SGPL1: variants seen among roughly 807,000 people sequenced by gnomAD.
SGPL1 encodes the protein sphingosine-1-phosphate lyase 1.
A neutral mutation model predicts 68.9 loss-of-function variants in SGPL1; 37 were observed. The observed-to-expected ratio is 0.54, with a 90% confidence interval of 0.41 to 0.71. The LOEUF (loss-of-function observed/expected upper bound fraction) is 0.71, where lower values mean the gene tolerates loss of function less well. Ranked by LOEUF, SGPL1 falls within the 30% of genes least tolerant of loss-of-function variation. The pLI is 0.00. For missense variants in SGPL1, 551 were observed against 704.6 expected, an observed-to-expected ratio of 0.78 and a Z score of 2.47; for synonymous variants, 236 against 248.5, an observed-to-expected ratio of 0.95 and a Z score of 0.47.
intron 2 of SGPL1, among the ~76,000 whole-genome samples, chr10:70,835,348 TTAACTCA>T (rs147394258): frequency 0.025 from 3,876 of 152,274 alleles, 61 homozygotes; most frequent in South Asian, 0.047. Flanking sequence ...CTAGGACAAA[TTAACTCA>T]TAATGCAATA....
chr10:70,819,750 C>T (rs1296216126), intron 2 of SGPL1, among the ~76,000 whole-genome samples: 2 of 151,802 alleles, frequency 1.3e-5, no homozygotes, highest in African/African-American at 4.8e-5. Context: ...TCCACCTCAG[C>T]CTCCTGAGTA....
intron 2 of SGPL1, among the ~76,000 whole-genome samples, chr10:70,820,886 A>G (rs970233285): frequency 2.4e-4 from 37 of 152,348 alleles, no homozygotes; most frequent in African/African-American, 8.4e-4. Context: ...ATGCCATGTC[A>G]GAGTAGCAAA....
chr10:70,859,311 A>G (rs1846011333), intron 6 of SGPL1, 60 bp from the exon 7 acceptor site: 3 of 1,249,260 alleles, frequency 2.4e-6, no homozygotes, highest in East Asian at 6.2e-5. Context: ...TTAGTGCATG[A>G]TTCTTTGTCC....
chr10:70,830,869 A>G (rs530260062), intron 2 of SGPL1, among the ~76,000 whole-genome samples: 3 of 152,202 alleles, frequency 2.0e-5, no homozygotes, highest in Non-Finnish European at 4.4e-5. Flanking sequence ...TAAAATGAAC[A>G]TATGTTGAAG....
At chr10:70,825,050 C>T (rs960604051) in intron 2 of SGPL1, among the ~76,000 whole-genome samples, 15 of 151,490 alleles carry the variant, frequency 9.9e-5, no homozygotes, top group South Asian at 2.1e-4. Context: ...CTGCAACCTC[C>T]GCCTCCTGGG....
rs764431661 is a variant in SGPL1 at position 70,851,101 on chromosome 10, A to G, written c.194-42A>G. 20 of 1,523,928 alleles carry G rather than the reference A, an allele frequency of 1.3e-5. No individual in the cohort carries two copies. The Middle Eastern group carries it at 5.1e-4, about 38-fold the overall frequency. 94.4% of individuals were successfully genotyped at this position (1,523,928 alleles called of 1,614,324 possible). Reference sequence around the variant, plus strand: ...GGTTGCTATATGCCAGGTCATATCCATGGAAATTTATTTGAATAAGAGAAC... The same window carrying G: ...GGTTGCTATATGCCAGGTCATATCCGTGGAAATTTATTTGAATAAGAGAAC... On this transcript the variant is annotated intron_variant, in intron 3 of 14. Transcript: ENST00000373202.
intron 3 of SGPL1, among the ~76,000 whole-genome samples, chr10:70,845,810 G>T (rs946735654): frequency 1.3e-5 from 2 of 152,054 alleles, no homozygotes; most frequent in Admixed American, 6.6e-5. Flanking sequence ...ACTTCCTTGG[G>T]ATAAGAAAAC....
chr10:70,852,964 C>T (rs748705520), intron 4 of SGPL1, among the ~76,000 whole-genome samples: 2 of 152,126 alleles, frequency 1.3e-5, no homozygotes, highest in African/African-American at 2.4e-5. Flanking sequence ...AATTGGGTAA[C>T]GTAATACAGG....
chr10:70,832,596 C>G (rs1054014747), intron 2 of SGPL1, among the ~76,000 whole-genome samples: 3 of 152,148 alleles, frequency 2.0e-5, no homozygotes, highest in African/African-American at 7.2e-5. Context: ...TCCACTAGAT[C>G]TTGCTTATTA....
chr10:70,870,868 T>G (rs1846281496), intron 9 of SGPL1, among the ~76,000 whole-genome samples, 180 bp from the exon 10 acceptor site: 1 of 152,200 alleles, frequency 6.6e-6, no homozygotes, highest in Non-Finnish European at 1.5e-5. Context: ...TGGACTTACC[T>G]GGAGTCACCT....
At position 70,873,512 on chromosome 10, in the gene SGPL1, C is replaced by T; in HGVS notation, c.1221C>T (p.Ala407=). 6.2e-7 allele frequency: 1 copy of T among 1,614,234 alleles called. No homozygotes were observed. Among genetic ancestry groups the T allele is most frequent in the Non-Finnish European group, 8.5e-7 (1 of 1,180,032 alleles). Residue 407 remains alanine, a synonymous_variant, in exon 12 of 15, where the codon GCC becomes GCT. Transcript: ENST00000373202. ...GCATTAGCGCAGCCTGTTGGGCTGC[C>T]TTGATGCACTTCGGTGAGAACGGCT... ...PGGISAACWA[A]LMHFGENGYV... is the part of the protein sequence containing the mutation.
chr10:70,818,368 C>A (rs577170411), intron 2 of SGPL1, among the ~76,000 whole-genome samples: 12 of 152,326 alleles, frequency 7.9e-5, no homozygotes, highest in Admixed American at 7.8e-4. Context: ...GATCCACCTG[C>A]CTTGGTCTCC....
At chr10:70,868,568 T>C (rs1449139121) in intron 8 of SGPL1, 135 bp downstream of exon 8, 2 of 699,836 alleles carry the variant, frequency 2.9e-6, no homozygotes, top group African/African-American at 1.8e-5. Flanking sequence ...CCCCCTGTCC[T>C]AGCCCCTCTG....
intron 2 of SGPL1, among the ~76,000 whole-genome samples, chr10:70,822,917 A>T (rs1049074467): frequency 6.6e-6 from 1 of 151,928 alleles, no homozygotes; most frequent in African/African-American, 2.4e-5. Flanking sequence ...TATTCACTAA[A>T]GATAATCTTC....
At chr10:70,832,618 A>T (rs557744492) in intron 2 of SGPL1, among the ~76,000 whole-genome samples, 8 of 152,234 alleles carry the variant, frequency 5.3e-5, no homozygotes, top group Admixed American at 2.0e-4. Flanking sequence ...CCAAGAAATT[A>T]TCATTTCTAG....
chr10:70,877,058 G>A (rs1437708048), intron 14 of SGPL1, 137 bp from the exon 15 acceptor site: 2 of 750,770 alleles, frequency 2.7e-6, no homozygotes, highest in African/African-American at 3.5e-5. Context: ...TAGAATGATG[G>A]GATGCCTTAG....
At position 70,877,319 on chromosome 10, in the gene SGPL1, C is replaced by T. The variant is rs1846410567; in HGVS notation, c.1691C>T (p.Ser564Phe). ...TVTQGSQMNG[S>F]PKPH is the part of the protein sequence containing the mutation. ...ACCCAGGGCAGCCAGATGAATGGTT[C>T]TCCAAAACCCCACTGAACTTGGACC... Residue 564 changes from serine (S) to phenylalanine (F), a missense_variant, in exon 15 of 15, where the codon TCT (serine) becomes TTT (phenylalanine). Physicochemically the swap from Ser to Phe is radical, Grantham distance 155. Coordinates refer to ENST00000373202, the MANE Select transcript of SGPL1 (RefSeq NM_003901.4). 4.3e-6 allele frequency: 7 copies of T among 1,614,202 alleles called. No homozygotes were observed. Among genetic ancestry groups the T allele is most frequent in the Non-Finnish European group, 5.9e-6 (7 of 1,180,030 alleles).
chr10:70,818,900 C>T (rs865825252), intron 2 of SGPL1, among the ~76,000 whole-genome samples: 1 of 152,154 alleles, frequency 6.6e-6, no homozygotes, highest in South Asian at 2.1e-4. Context: ...TTAATCTCCC[C>T]TATCTCCTAC....
chr10:70,876,725 G>A, intron 14 of SGPL1, 64 bp downstream of exon 14: 1 of 1,444,616 alleles, frequency 6.9e-7, no homozygotes, highest in Non-Finnish European at 9.5e-7. Context: ...GAGTTTGAAG[G>A]AATCATATGA....
Sources: allele counts gnomAD v4.1 joint callset (sites outside exome capture counted in the v4.1 genomes callset), GRCh38; gene constraint gnomAD v4.1.1; transcripts MANE v1.5; gene names NCBI Gene and HGNC (gene_info 2026-07-23, HGNC 2026-07-21).